Variants in PARP14 observed in about 807,000 individuals in gnomAD.
The protein encoded by PARP14 is poly(ADP-ribose) polymerase family member 14.
Under a neutral mutation model 154.2 loss-of-function variants are expected in PARP14, and 59 were observed. The ratio of observed to expected loss-of-function variants is 0.38; its 90% CI spans 0.31 to 0.48. PARP14 has a LOEUF of 0.48. Ranked by LOEUF, PARP14 falls within the 20% of genes least tolerant of loss-of-function variation. PARP14 has a pLI of 0.98. For missense variants in PARP14, 1,734 were observed against 2,131.6 expected (o/e 0.81, Z 3.67); for synonymous variants, 720 against 780.5 (o/e 0.92, Z 1.29).
rs540024764 is a variant in PARP14, at chr3:122,690,925, C to G, written c.356-1376C>G. On this transcript the variant is annotated intron_variant, in intron 3 of 16. Transcript: ENST00000474629. ...CATTCAGGGACCCAGGCTCCTTCCA[C>G]CCTTTGACACCATTATCTTTAAATG... Among the ~76,000 whole-genome samples, 489 of 152,294 alleles carry G rather than the reference C, an allele frequency of 3.2e-3. 5 individuals are homozygous for G. Among genetic ancestry groups the G allele is most frequent in the African/African-American group, 0.011 (467 of 41,552 alleles).
chr3:122,704,115 T>C, intron 7 of PARP14, 137 bp downstream of exon 7: 3 of 648,620 alleles, frequency 4.6e-6, no homozygotes, highest in African/African-American at 1.8e-5. Context: ...GATTCCATCA[T>C]GTGGCCATTT....
chr3:122,683,619 AAGTT>A (rs1938282650), intron 1 of PARP14, among the ~76,000 whole-genome samples: 1 of 152,154 alleles, frequency 6.6e-6, no homozygotes, highest in South Asian at 2.1e-4. Flanking sequence ...TGATGATCTA[AAGTT>A]GGTGCAGGTG....
chr3:122,718,855 T>A lies in PARP14; in HGVS notation c.4704T>A (p.Asp1568Glu). The stretch of plus-strand genomic sequence containing the variant: ...GGAGAGAAAAGAAAAAAACAGTTGA[T>A]GTCAAAATTAATCATCGGCACTACA... ...DARREKKKTV[D>E]VKINHRHYTV... is the part of the protein sequence containing the mutation. Residue 1568 changes from aspartate (D) to glutamate (E), a missense_variant, in exon 14 of 17, where the codon GAT becomes GAA. By Grantham distance (45) the Asp-to-Glu change is conservative. Transcript: ENST00000474629. 2 of 1,613,912 alleles carry A rather than the reference T, an allele frequency of 1.2e-6. No homozygotes were observed. The highest frequency in any genetic ancestry group is 1.1e-5 in the South Asian group (1 of 91,076).
chr3:122,701,183 G>C lies in PARP14; in HGVS notation c.2629G>C (p.Val877Leu). 1 of 1,613,618 alleles carries C rather than the reference G, an allele frequency of 6.2e-7. No homozygotes were observed. The highest frequency in any genetic ancestry group is 8.5e-7 in the Non-Finnish European group (1 of 1,179,698). ...GGCAGGAAAGCTGCCCTACCACCAC[G>C]TGATCCATGCAGTGGGGCCCCGCTG... ...SKAGKLPYHH[V>L]IHAVGPRWSG... Residue 877 changes from valine to leucine, a missense_variant, in exon 6 of 17, where the codon GTG (valine) becomes CTG (leucine). Physicochemically the swap from Val to Leu is conservative, Grantham distance 32. Around this residue, in one of 2 missense-constraint regions of PARP14, gnomAD observed 1,646 missense variants for 1,976.0 expected, o/e 0.83. Coordinates refer to ENST00000474629, the MANE Select transcript of PARP14 (RefSeq NM_017554.3). This position sits in a 1 kb window ranked among gnomAD's most constrained non-coding sequence, Gnocchi z 4.0.
chr3:122,720,237 C>A lies in PARP14; in HGVS notation c.4808-18C>A. The stretch of plus-strand genomic sequence containing the variant: ...TACCGGGGATGTATGAGGGCATCCT[C>A]AAATGTCTCCTTTGCAGTTGACATC... On this transcript the variant is annotated intron_variant, in intron 14 of 16. Transcript: ENST00000474629. 1 of 1,610,796 alleles carries A rather than the reference C, an allele frequency of 6.2e-7. No homozygotes were observed. The highest frequency in any genetic ancestry group is 1.1e-5 in the South Asian group (1 of 90,340).
At chr3:122,704,019 CT>C in intron 7 of PARP14, 41 bp downstream of exon 7, 1 of 1,381,364 alleles carries the variant, frequency 7.2e-7, no homozygotes, top group Non-Finnish European at 1.0e-6. Flanking sequence ...TTGGGTAGCC[CT>C]TTGGGTTCTC....
At chr3:122,702,993 T>TAAAAAAA (rs10707029) in intron 6 of PARP14, among the ~76,000 whole-genome samples, 30 of 83,912 alleles carry the variant, frequency 3.6e-4, no homozygotes, top group African/African-American at 8.5e-4. Flanking sequence ...CCCTCTCTCT[T>TAAAAAAA]AAAAAAAAAA....
chr3:122,704,046 T>A, intron 7 of PARP14, 68 bp downstream of exon 7: 2 of 996,162 alleles, frequency 2.0e-6, no homozygotes, highest in Non-Finnish European at 3.2e-6. Context: ...AGTAGCATAT[T>A]AATTGGACAT....
intron 1 of PARP14, among the ~76,000 whole-genome samples, chr3:122,684,203 A>G (rs1411224968): frequency 6.6e-6 from 1 of 152,108 alleles, no homozygotes; most frequent in Non-Finnish European, 1.5e-5. Flanking sequence ...CAGCATAGTG[A>G]CCCAACATTC....
At chr3:122,683,562 G>C (rs1331857637) in intron 1 of PARP14, among the ~76,000 whole-genome samples, 1 of 152,154 alleles carries the variant, frequency 6.6e-6, no homozygotes, top group African/African-American at 2.4e-5. Context: ...TTGTTGTCGG[G>C]TTCCTTGTGG....
chr3:122,691,687 T>C (rs1222191316), intron 3 of PARP14, among the ~76,000 whole-genome samples: 1 of 152,174 alleles, frequency 6.6e-6, no homozygotes, highest in East Asian at 1.9e-4. Context: ...ATGCTAGCAA[T>C]ACAAGGATGA....
intron 5 of PARP14, among the ~76,000 whole-genome samples, chr3:122,697,766 G>A (rs1938825187): frequency 6.6e-6 from 1 of 152,142 alleles, no homozygotes; most frequent in African/African-American, 2.4e-5. Flanking sequence ...TGTTTTTTCT[G>A]CTACAGTATC....
chr3:122,681,159 C>A lies in PARP14; in HGVS notation c.187+89C>A. On this transcript the variant is annotated intron_variant, in intron 1 of 16. Coordinates refer to ENST00000474629, the MANE Select transcript of PARP14 (RefSeq NM_017554.3). This position sits in a 1 kb window ranked among gnomAD's most constrained non-coding sequence, Gnocchi z 5.5. ...GCAGGGCACGCACGGGAGGGTGACCCGCCCGACTTCGGCGGCTGCTGTAGC... is the reference window on the plus strand; with the variant it reads ...GCAGGGCACGCACGGGAGGGTGACCAGCCCGACTTCGGCGGCTGCTGTAGC... 2 of 778,916 alleles carry A rather than the reference C, an allele frequency of 2.6e-6. No homozygotes were observed. The highest frequency in any genetic ancestry group is 4.2e-5 in the South Asian group (2 of 47,616). The allele number at this position is 778,916 out of a possible 1,614,324, so 48.3% of individuals were successfully genotyped here.
chr3:122,702,735 G>A (rs1252972909), intron 6 of PARP14, among the ~76,000 whole-genome samples: 5 of 151,706 alleles, frequency 3.3e-5, no homozygotes, highest in Non-Finnish European at 7.4e-5. Context: ...ATAATGTTGT[G>A]TCTCATTTTA....
chr3:122,727,965 C>T lies in PARP14; in HGVS notation c.5095C>T (p.Arg1699Cys), dbSNP rs377156425. 12 of 1,611,044 alleles carry T rather than the reference C, an allele frequency of 7.4e-6. No individual in the cohort carries two copies. Among genetic ancestry groups the T allele is most frequent in the South Asian group, 1.1e-5 (1 of 90,546 alleles). Residue 1699 changes from arginine (R) to cysteine (C), a missense_variant, in exon 16 of 17, where the codon CGC becomes TGC. Physicochemically the swap from Arg to Cys is radical, Grantham distance 180 (BLOSUM62 -3). Coordinates refer to ENST00000474629, the MANE Select transcript of PARP14 (RefSeq NM_017554.3). ...VPHVNRNGFN[R>C]SYAGKNAVAY... ...ACACGTCAATCGAAATGGCTTTAAC[C>T]GCAGCTATGCCGGAAAGAATGGTAA...
At chr3:122,698,851 T>C (rs1013815658) in intron 5 of PARP14, among the ~76,000 whole-genome samples, 1 of 152,142 alleles carries the variant, frequency 6.6e-6, no homozygotes, top group Admixed American at 6.5e-5. Context: ...GAAGAACAAA[T>C]AGCATAATAC....
At chr3:122,720,664 A>G (rs78443051) in intron 15 of PARP14, 17,548 of 483,762 alleles carry the variant, frequency 0.036, 391 homozygotes, top group Non-Finnish European at 0.046. Context: ...ATTCAAAGAT[A>G]TGGCTTTAAA....
At chr3:122,718,024 CT>C in intron 12 of PARP14, 46 bp from the exon 13 acceptor site, 1 of 1,469,130 alleles carries the variant, frequency 6.8e-7, no homozygotes, top group South Asian at 1.2e-5. Flanking sequence ...CAGCCTTCCA[CT>C]TGGGGCTTTT....
In PARP14 at chr3:122,728,887, A is replaced by G; in HGVS notation, c.*290A>G. The G allele has an allele frequency of 2.8e-6, 1 of 351,340 alleles. No homozygotes were observed. The highest frequency in any genetic ancestry group is 6.5e-5 in the East Asian group (1 of 15,304). 21.8% of individuals were successfully genotyped at this position (351,340 alleles called of 1,614,324 possible). A position where few individuals can be genotyped will look rare whatever the true frequency, so the allele number is the denominator to read the frequency against. ...AAAAGAACAGGTTTGTATTTTCAGG[A>G]AGGAGAGAATAACAGTCTTATAGAC... On this transcript the variant is annotated 3_prime_UTR_variant, in exon 17 of 17. Coordinates refer to ENST00000474629, the MANE Select transcript of PARP14 (RefSeq NM_017554.3).
Sources: gnomAD v4.1 joint callset for allele counts (sites outside exome capture counted in the v4.1 genomes callset) on GRCh38, gnomAD v4.1.1 for gene constraint, gnomAD v4.1.1 regional missense constraint, Gnocchi (gnomAD v3.1) non-coding constraint, MANE v1.5 for transcripts, NCBI Gene and HGNC (gene_info 2026-07-23, HGNC 2026-07-21) for gene names.